The following ASTE1 variants were observed in gnomAD, a reference collection of about 807,000 sequenced individuals.
ASTE1 encodes asteroid structure-specific endonuclease 1.
A neutral mutation model predicts 45.8 loss-of-function variants in ASTE1; 49 were observed. The observed-to-expected ratio is 1.07, with a 90% CI of 0.85 to 1.36. ASTE1 has a LOEUF of 1.36. Among genes scored for constraint, ASTE1 ranks in the 40% most tolerant of loss-of-function variants. The pLI is 0.00. For missense variants in ASTE1, 709 were observed against 804.0 expected (o/e 0.88, Z 1.43); for synonymous variants, 296 against 303.9 (o/e 0.97, Z 0.27).
At chr3:131,023,472 G>A (rs1300022489) in intron 3 of ASTE1, among the ~76,000 whole-genome samples, 1 of 152,076 alleles carries the variant, frequency 6.6e-6, no homozygotes, top group Non-Finnish European at 1.5e-5. Flanking sequence ...TAAGAGTCAT[G>A]TTTTCTGTAT....
Position 131,024,724 on chromosome 3 carries a change from C to T in ASTE1, c.583G>A (p.Ala195Thr). Residue 195 changes from alanine to threonine, a missense_variant, in exon 3 of 6, where the codon GCC becomes ACC. By Grantham distance (58) the Ala-to-Thr change is moderately conservative. Coordinates refer to ENST00000264992, the MANE Select transcript of ASTE1 (RefSeq NM_014065.4). Reference protein sequence around the residue: ...TIKGTQNYIPAKCFSLDAFCH... With the variant: ...TIKGTQNYIPTKCFSLDAFCH... ...AATGCATCAAGGGAAAAGCATTTGG[C>T]AGGGATATAGTTTTGTGTGCCCTTA... 1.2e-6 allele frequency: 2 copies of T among 1,606,948 alleles called. No individual in the cohort carries two copies. The highest frequency in any genetic ancestry group is 8.5e-7 in the Non-Finnish European group (1 of 1,176,384).
In ASTE1 at chr3:131,022,200, T is replaced by C. The variant is rs545596602; in HGVS notation, c.1302+1805A>G. On this transcript the variant is annotated intron_variant, in intron 3 of 5. Transcript: ENST00000264992. ...GATGTCCCTTGCAGGGACCTAGCTA[T>C]GTTTATGGAATTATTATAAGAAAGA... 5.9e-5 allele frequency among the ~76,000 whole-genome samples: 9 copies of C among 152,334 alleles called. No homozygotes were observed. In the East Asian group the frequency reaches 1.5e-3, roughly 26 times the overall value.
chr3:131,022,900 T>C (rs193265499), intron 3 of ASTE1, among the ~76,000 whole-genome samples: 7 of 152,234 alleles, frequency 4.6e-5, no homozygotes, highest in Non-Finnish European at 1.0e-4. Context: ...AGATTCTTTG[T>C]TATGGGACAC....
chr3:131,016,405 A>G (rs942268580), intron 4 of ASTE1, 66 bp from the exon 5 acceptor site: 3 of 1,511,830 alleles, frequency 2.0e-6, no homozygotes, highest in East Asian at 2.3e-5. Flanking sequence ...CATTTTCTCC[A>G]CATATACTAC....
Position 131,025,484 on chromosome 3 carries a change from A to C in ASTE1, c.-36T>G. 3 of 1,040,040 alleles carry C rather than the reference A, an allele frequency of 2.9e-6. No individual in the cohort carries two copies. Among genetic ancestry groups the C allele is most frequent in the Non-Finnish European group, 3.9e-6 (3 of 762,302 alleles). The allele number at this position is 1,040,040 out of a possible 1,614,324, so 64.4% of individuals were successfully genotyped here. On this transcript the variant is annotated 5_prime_UTR_variant, in exon 2 of 6. Transcript: ENST00000264992. ...ATCATAAATTCTTACCTAGATCCTC[A>C]AGCAATGTTAGCTGTGCTTTTTCAT...
In ASTE1 at chr3:131,016,353, C is replaced by G. The variant is rs2063633630; in HGVS notation, c.1514-14G>C. ...GCTCTTCCTTACCTAAATAAAGAAA[C>G]AGCCCAAGGGCAGTATTTCTAAAAG... On this transcript the variant is annotated splice_polypyrimidine_tract_variant and intron_variant, in intron 4 of 5. Transcript: ENST00000264992. 2 of 1,614,030 alleles carry G rather than the reference C, an allele frequency of 1.2e-6. No individual in the cohort carries two copies. Among genetic ancestry groups the G allele is most frequent in the Non-Finnish European group, 1.7e-6 (2 of 1,180,010 alleles).
At chr3:131,015,842 G>A (rs1577096748) in intron 5 of ASTE1, 2 of 465,558 alleles carry the variant, frequency 4.3e-6, no homozygotes, top group Non-Finnish European at 7.9e-6. Flanking sequence ...AAAGGAGAGA[G>A]TTGTATCCTA....
At chr3:131,015,016 G>A (rs899210338) in intron 5 of ASTE1, among the ~76,000 whole-genome samples, 2 of 152,146 alleles carry the variant, frequency 1.3e-5, no homozygotes, top group African/African-American at 4.8e-5. Context: ...GTTTTAAAAG[G>A]ATTTGTGGTA....
At chr3:131,018,787 C>A in intron 3 of ASTE1, 71 bp from the exon 4 acceptor site, 1 of 1,494,198 alleles carries the variant, frequency 6.7e-7, no homozygotes, top group Non-Finnish European at 9.2e-7. Context: ...TCCACCATAG[C>A]ATGAAGAGAT....
Position 131,024,004 on chromosome 3 carries a change from C to T in ASTE1, c.1302+1G>A, listed in dbSNP as rs1341514831. On this transcript the variant is annotated splice_donor_variant, in intron 3 of 5. Transcript: ENST00000264992. LOFTEE classifies it high-confidence loss of function. ...ATTTCATTAGTATTACAAATACTTACCTCAGTCAATCTGCTTAAGTCAGAA... is the reference window on the plus strand; with the variant it reads ...ATTTCATTAGTATTACAAATACTTATCTCAGTCAATCTGCTTAAGTCAGAA... The T allele has an allele frequency of 6.3e-7, 1 of 1,581,024 alleles. No individual in the cohort carries two copies. Among genetic ancestry groups the T allele is most frequent in the Non-Finnish European group, 8.6e-7 (1 of 1,162,016 alleles).
intron 4 of ASTE1, chr3:131,016,953 T>C (rs2063652822): frequency 7.9e-7 from 1 of 1,272,654 alleles, no homozygotes; most frequent in African/African-American, 1.5e-5. Flanking sequence ...CAAAATAACA[T>C]CTGGACCAAT....
chr3:131,017,912 G>A (rs1340775310), intron 4 of ASTE1, among the ~76,000 whole-genome samples: 1 of 134,298 alleles, frequency 7.4e-6, no homozygotes, highest in Non-Finnish European at 1.5e-5. Flanking sequence ...AGAGGCTGCA[G>A]TGAGCCAAGA....
rs977123383 is a variant in ASTE1 at position 131,014,315 on chromosome 3, C to T, written c.1782G>A (p.Leu594=). ...LLASTSVESL[L]SICPEAKQLY... ...GTTGCTTAGCCTCAGGACATATGCTCAGGAGACTTTCTACAGAGGTCGATG... is the reference window on the plus strand; with the variant it reads ...GTTGCTTAGCCTCAGGACATATGCTTAGGAGACTTTCTACAGAGGTCGATG... Residue 594 remains leucine (L), a synonymous_variant, in exon 6 of 6, where the codon CTG becomes CTA. Transcript: ENST00000264992. 6.2e-7 allele frequency: 1 copy of T among 1,613,866 alleles called. No homozygotes were observed. Among genetic ancestry groups the T allele is most frequent in the Non-Finnish European group, 8.5e-7 (1 of 1,179,962 alleles).
rs13066072 is a variant in ASTE1, at chr3:131,025,540, T to C, written c.-92A>G. 0.2 allele frequency: 120,312 copies of C among 607,506 alleles called. 12,414 individuals are homozygous for C. Among genetic ancestry groups the C allele is most frequent in the Non-Finnish European group, 0.22 (84,296 of 387,058 alleles). 37.6% of individuals were successfully genotyped at this position (607,506 alleles called of 1,614,324 possible). A position where few individuals can be genotyped will look rare whatever the true frequency, so the allele number is the denominator to read the frequency against. ...TTTGCTTTCTGATACAAGGCACAAA[T>C]TCAATGGTTTCATGGGTTGTAATCT... On this transcript the variant is annotated 5_prime_UTR_variant, in exon 2 of 6. Coordinates refer to ENST00000264992, the MANE Select transcript of ASTE1 (RefSeq NM_014065.4).
Position 131,024,046 on chromosome 3 carries a change from C to G in ASTE1, c.1261G>C (p.Glu421Gln). The change falls in exon 3 of 6, where the codon GAA (glutamate) becomes CAA (glutamine). Residue 421 changes from glutamate to glutamine, a missense_variant. Glu to Gln is a conservative substitution (Grantham distance 29, BLOSUM62 2). Coordinates refer to ENST00000264992, the MANE Select transcript of ASTE1 (RefSeq NM_014065.4). Reference protein sequence around the residue: ...NIRTSIIDAVELAKDHSDLSR... With the variant: ...NIRTSIIDAVQLAKDHSDLSR... Reference sequence around the variant, plus strand: ...AAGTCAGAATGATCCTTGGCCAGTTCTACTGCATCAATGATTGAGGTTCTG... The same window carrying G: ...AAGTCAGAATGATCCTTGGCCAGTTGTACTGCATCAATGATTGAGGTTCTG... 6.2e-7 allele frequency: 1 copy of G among 1,613,136 alleles called. No individual in the cohort carries two copies. Among genetic ancestry groups the G allele is most frequent in the Non-Finnish European group, 8.5e-7 (1 of 1,179,212 alleles).
At chr3:131,018,175 CAT>C (rs1432032316) in intron 4 of ASTE1, among the ~76,000 whole-genome samples, 1 of 152,030 alleles carries the variant, frequency 6.6e-6, no homozygotes, top group Non-Finnish European at 1.5e-5. Flanking sequence ...GGATAGGTAA[CAT>C]GGAATACAAA....
intron 4 of ASTE1, 117 bp downstream of exon 4, chr3:131,018,389 T>TA (rs2063694848): frequency 9.8e-7 from 1 of 1,015,938 alleles, no homozygotes; most frequent in African/African-American, 1.6e-5. Context: ...ACATCTAAGT[T>TA]GTGATACAAT....
intron 3 of ASTE1, 109 bp from the exon 4 acceptor site, chr3:131,018,825 G>T: frequency 9.3e-7 from 1 of 1,078,530 alleles, no homozygotes; most frequent in Non-Finnish European, 1.3e-6. Context: ...TCTGTCAGCT[G>T]TTAAACTTAT....
chr3:131,019,592 T>G (rs1324079269), intron 3 of ASTE1, among the ~76,000 whole-genome samples: 1 of 152,202 alleles, frequency 6.6e-6, no homozygotes, highest in Non-Finnish European at 1.5e-5. Context: ...TATTAAAAGG[T>G]CATCTTCTGG....
Sources: allele counts gnomAD v4.1 joint callset (sites outside exome capture counted in the v4.1 genomes callset), GRCh38; gene constraint gnomAD v4.1.1; transcripts MANE v1.5; gene names NCBI Gene and HGNC (gene_info 2026-07-23, HGNC 2026-07-21).